The following ZNF442 variants were observed in gnomAD, a reference collection of about 807,000 sequenced individuals.
ZNF442 encodes zinc finger protein 442.
In ZNF442, 45 loss-of-function variants were observed where a neutral mutation model predicts 57.0. The observed-to-expected ratio is 0.79, with a 90% confidence interval of 0.62 to 1.01. The LOEUF is 1.01. ZNF442 is among the 50% of genes least tolerant of loss of function. The pLI is 0.00. For synonymous variants in ZNF442, 213 were observed against 241.8 expected, an observed-to-expected ratio of 0.88 and a Z score of 1.10; for missense variants, 690 against 756.5, an observed-to-expected ratio of 0.91 and a Z score of 1.03.
rs1362596680 is a variant in ZNF442, at chr19:12,347,292, C to T, written c.*2409G>A. The T allele has an allele frequency of 6.6e-6, 1 of 152,118 alleles. No individual in the cohort carries two copies. Among genetic ancestry groups the T allele is most frequent in the Non-Finnish European group, 1.5e-5 (1 of 68,014 alleles). The allele number at this position is 152,118 out of a possible 1,614,324, so 9.4% of individuals were successfully genotyped here. A position where few individuals can be genotyped will look rare whatever the true frequency, so the allele number is the denominator to read the frequency against. On this transcript the variant is annotated 3_prime_UTR_variant, in exon 6 of 6. Coordinates refer to ENST00000242804, the MANE Select transcript of ZNF442 (RefSeq NM_030824.3). ...CTCAGTGACCTGTGACACAGCTGAC[C>T]ACTCTCCCCATATTGAAATACCTTC...
the ZNF442 span, among the ~76,000 whole-genome samples, chr19:12,371,287 A>T: frequency 2.6e-5 from 4 of 152,224 alleles, no homozygotes; most frequent in African/African-American, 4.8e-5. Context: ...TCATGCCTTT[A>T]AAAATTACAC....
intron 3 of ZNF442, among the ~76,000 whole-genome samples, chr19:12,353,958 G>C (rs1969285094): frequency 6.6e-6 from 1 of 152,134 alleles, no homozygotes; most frequent in South Asian, 2.1e-4. Context: ...ACTCGACAGA[G>C]TCTCCACCAG....
Position 12,365,640 on chromosome 19 carries a change from C to G in ZNF442, c.-590G>C. 4.1e-6 allele frequency: 1 copy of G among 243,542 alleles called. No homozygotes were observed. The highest frequency in any genetic ancestry group is 8.3e-6 in the Non-Finnish European group (1 of 119,924). 15.1% of individuals were successfully genotyped at this position (243,542 alleles called of 1,614,324 possible). A position where few individuals can be genotyped will look rare whatever the true frequency, so the allele number is the denominator to read the frequency against. On this transcript the variant is annotated 5_prime_UTR_variant, in exon 1 of 6. Transcript: ENST00000242804. ...ACTGACCTGCCAGGGCTTCTCTCAG[C>G]TACAGAGCCAGGAGCGGGAGCTCAG...
At chr19:12,359,511 T>C (rs1969388559) in intron 3 of ZNF442, among the ~76,000 whole-genome samples, 1 of 152,222 alleles carries the variant, frequency 6.6e-6, no homozygotes, top group South Asian at 2.1e-4. Context: ...AGCAGTTTTG[T>C]CTTCACTGAT....
At chr19:12,366,996 A>G (rs1271424134), upstream of ZNF442, among the ~76,000 whole-genome samples, 2 of 152,212 alleles carry the variant, frequency 1.3e-5, no homozygotes, top group Non-Finnish European at 2.9e-5. Flanking sequence ...ATTTGGTCAT[A>G]TATTTCCTTA....
the ZNF442 span, among the ~76,000 whole-genome samples, chr19:12,371,991 TCAACAGAGTAAACAGAC>T: frequency 6.6e-6 from 1 of 152,104 alleles, no homozygotes; most frequent in African/African-American, 2.4e-5. Flanking sequence ...AAAGGAACTA[TCAACAGAGTAAACAGAC>T]AACCTACAAA....
chr19:12,353,693 G>A (rs540138417), intron 3 of ZNF442, among the ~76,000 whole-genome samples: 11 of 152,312 alleles, frequency 7.2e-5, no homozygotes, highest in African/African-American at 2.6e-4. Flanking sequence ...TGCTAGGTTT[G>A]AATGTTTGTC....
intron 3 of ZNF442, among the ~76,000 whole-genome samples, chr19:12,355,425 G>A (rs1419739215): frequency 1.4e-5 from 2 of 145,744 alleles, no homozygotes; most frequent in South Asian, 2.2e-4. Flanking sequence ...GCAATGGCAC[G>A]ATCTCAGCTC....
rs1235670351 is a variant in ZNF442, at chr19:12,350,830, T to C, written c.755A>G (p.Tyr252Cys). The change falls in exon 6 of 6, where the codon TAT becomes TGT. Residue 252 changes from tyrosine to cysteine, a missense_variant. Physicochemically the swap from Tyr to Cys is radical, Grantham distance 194 (BLOSUM62 -2). Coordinates refer to ENST00000242804, the MANE Select transcript of ZNF442 (RefSeq NM_030824.3). The stretch of plus-strand genomic sequence containing the variant: ...AGTGTGTGTTCTTTCATGTCTTAGA[T>C]AGGAACTGTAAATAGGGAAGGCTTT... ...CCKAFPIYSS[Y>C]LRHERTHTGE... The C allele has an allele frequency of 1.5e-5, 24 of 1,613,398 alleles. No homozygotes were observed. The highest frequency in any genetic ancestry group is 2.7e-5 in the African/African-American group (2 of 74,718).
At chr19:12,357,234 T>C (rs1251008900) in intron 3 of ZNF442, among the ~76,000 whole-genome samples, 2 of 152,184 alleles carry the variant, frequency 1.3e-5, no homozygotes, top group African/African-American at 4.8e-5. Context: ...TTTTTTTGCA[T>C]TACATTTTAA....
chr19:12,362,113 C>G (rs193100984), intron 3 of ZNF442, among the ~76,000 whole-genome samples: 1 of 152,198 alleles, frequency 6.6e-6, no homozygotes. Flanking sequence ...CCCAAAGTGC[C>G]GAGATTGCAG....
chr19:12,354,353 A>C (rs1969290743), intron 3 of ZNF442, among the ~76,000 whole-genome samples: 1 of 152,232 alleles, frequency 6.6e-6, no homozygotes, highest in Non-Finnish European at 1.5e-5. Flanking sequence ...AGGTAATGTC[A>C]AAGGAGAATA....
chr19:12,354,382 T>C (rs754258724), intron 3 of ZNF442, among the ~76,000 whole-genome samples: 2 of 152,228 alleles, frequency 1.3e-5, no homozygotes, highest in Non-Finnish European at 2.9e-5. Context: ...AGATTGCACA[T>C]GTTCTTAGAA....
rs1969138669 is a variant in ZNF442, at chr19:12,346,835, C to G, written c.*2866G>C. The G allele has an allele frequency of 6.6e-6, 1 of 152,148 alleles. No homozygotes were observed. The highest frequency in any genetic ancestry group is 2.4e-5 in the African/African-American group (1 of 41,428). 9.4% of individuals were successfully genotyped at this position (152,148 alleles called of 1,614,324 possible). A position where few individuals can be genotyped will look rare whatever the true frequency, so the allele number is the denominator to read the frequency against. ...TGAAAACGTTCTAAGTGAAATAAGC[C>G]AGACATGGAAGGACACATGCATACT... is the stretch of plus-strand genomic sequence containing the variant. On this transcript the variant is annotated 3_prime_UTR_variant, in exon 6 of 6. Coordinates refer to ENST00000242804, the MANE Select transcript of ZNF442 (RefSeq NM_030824.3).
At chr19:12,362,368 G>A (rs945895270) in intron 3 of ZNF442, among the ~76,000 whole-genome samples, 5 of 150,830 alleles carry the variant, frequency 3.3e-5, no homozygotes, top group African/African-American at 4.9e-5. Flanking sequence ...TCTGCCCAGC[G>A]GCGACCCCGT....
the ZNF442 span, among the ~76,000 whole-genome samples, chr19:12,373,064 A>T: frequency 2.2e-4 from 34 of 152,148 alleles, no homozygotes; most frequent in African/African-American, 8.2e-4. Flanking sequence ...CAGCCACCGC[A>T]CCCAGCCGGA....
In ZNF442 at chr19:12,353,056, A is replaced by G; in HGVS notation, c.137T>C (p.Leu46Pro). ...VNFTQEEWAL[L>P]GPSQKSLYRD... ...GTACAGACTCTTCTGTGATGGACCC[A>G]GCAAAGCCCACTCTTCCTGGGTGAA... is the stretch of plus-strand genomic sequence containing the variant. Residue 46 changes from leucine (L) to proline (P), a missense_variant, in exon 4 of 6, where the codon CTG (leucine) becomes CCG (proline). Transcript: ENST00000242804. The G allele has an allele frequency of 1.2e-6, 2 of 1,613,796 alleles. No homozygotes were observed. Among genetic ancestry groups the G allele is most frequent in the East Asian group, 2.2e-5 (1 of 44,856 alleles).
At chr19:12,363,084 A>T (rs942568560) in intron 3 of ZNF442, among the ~76,000 whole-genome samples, 4 of 150,394 alleles carry the variant, frequency 2.7e-5, no homozygotes, top group African/African-American at 9.8e-5. Context: ...GTTTGAACCC[A>T]GAAGGCAGAG....
At chr19:12,360,000 T>G (rs1427200466) in intron 3 of ZNF442, among the ~76,000 whole-genome samples, 1 of 151,950 alleles carries the variant, frequency 6.6e-6, no homozygotes, top group Non-Finnish European at 1.5e-5. Context: ...AATCTGATTC[T>G]CACCCTCCAT....
Sources: gnomAD v4.1 joint callset for allele counts (sites outside exome capture counted in the v4.1 genomes callset) on GRCh38, gnomAD v4.1.1 for gene constraint, MANE v1.5 for transcripts, NCBI Gene and HGNC (gene_info 2026-07-23, HGNC 2026-07-21) for gene names.